CRLF3: variants seen among roughly 807,000 people sequenced by gnomAD.
CRLF3 encodes cytokine receptor-like factor 3.
CRLF3 carries 33 observed loss-of-function variants against 55.0 expected under a neutral mutation model. The observed-to-expected ratio is 0.60, with a 90% confidence interval of 0.46 to 0.80. The LOEUF (loss-of-function observed/expected upper bound fraction) is 0.80, where lower values mean the gene tolerates loss of function less well. Among genes scored for constraint, CRLF3 ranks in the 30% least tolerant of loss-of-function variants. The pLI is 0.00. For missense variants in CRLF3, 494 were observed against 538.4 expected (o/e 0.92, Z 0.82); for synonymous variants, 238 against 196.8 (o/e 1.21, Z -1.75).
intron 1 of CRLF3, among the ~76,000 whole-genome samples, chr17:30,821,937 G>T (rs1905008584): frequency 1.3e-5 from 2 of 151,554 alleles, no homozygotes; most frequent in Non-Finnish European, 2.9e-5. Flanking sequence ...AAAGTCACAT[G>T]CCAGGCAGCA....
intron 2 of CRLF3, among the ~76,000 whole-genome samples, chr17:30,801,900 T>G (rs779692799): frequency 2.6e-4 from 39 of 151,928 alleles, no homozygotes; most frequent in Non-Finnish European, 4.0e-4. Flanking sequence ...TATGATAATG[T>G]TACTTCTGCT....
intron 6 of CRLF3, among the ~76,000 whole-genome samples, chr17:30,789,080 A>T (rs1326457851): frequency 6.6e-6 from 1 of 152,142 alleles, no homozygotes; most frequent in African/African-American, 2.4e-5. Flanking sequence ...TGATGCCTGA[A>T]ATTCCTTTAA....
At chr17:30,797,199 T>C (rs1971931655) in intron 3 of CRLF3, 112 bp downstream of exon 3, 3 of 833,528 alleles carry the variant, frequency 3.6e-6, no homozygotes, top group South Asian at 1.5e-5. Context: ...TCTGAAAACC[T>C]TGAAATATAT....
At chr17:30,802,596 A>G (rs1408161340) in intron 2 of CRLF3, among the ~76,000 whole-genome samples, 1 of 149,548 alleles carries the variant, frequency 6.7e-6, no homozygotes, top group Admixed American at 6.7e-5. Flanking sequence ...ATGCCCAGCT[A>G]AGTTTTTTTT....
intron 4 of CRLF3, among the ~76,000 whole-genome samples, chr17:30,794,508 CACA>C (rs1191105241): frequency 3.3e-5 from 5 of 152,076 alleles, no homozygotes; most frequent in South Asian, 2.1e-4. Context: ...GATCTAAAAC[CACA>C]ACAAGGCCAG....
chr17:30,816,445 T>G (rs1904807869), intron 1 of CRLF3, among the ~76,000 whole-genome samples: 1 of 151,802 alleles, frequency 6.6e-6, no homozygotes, highest in Non-Finnish European at 1.5e-5. Flanking sequence ...CCCATAACAT[T>G]ATATTACTAT....
chr17:30,792,399 C>T (rs375333013), intron 6 of CRLF3, 41 bp downstream of exon 6: 3 of 1,580,356 alleles, frequency 1.9e-6, no homozygotes, highest in East Asian at 2.3e-5. Context: ...GCACTTCACT[C>T]TGCTTCCTGA....
intron 6 of CRLF3, among the ~76,000 whole-genome samples, chr17:30,787,013 G>C (rs576230344): frequency 3.9e-5 from 6 of 151,912 alleles, no homozygotes; most frequent in African/African-American, 1.4e-4. Context: ...TTTTGTATTT[G>C]TAGTAGAGAC....
chr17:30,816,488 C>CTTTTTTTTTTTTTTTTT (rs1183953028), intron 1 of CRLF3, among the ~76,000 whole-genome samples: 1 of 117,500 alleles, frequency 8.5e-6, no homozygotes, highest in Non-Finnish European at 1.8e-5. Context: ...TTCTTTCTTT[C>CTTTTTTTTTTTTTTTTT]TTTTTTTTTT....
intron 1 of CRLF3, among the ~76,000 whole-genome samples, chr17:30,811,064 GGGTGACAAAGT>G (rs1332704841): frequency 6.6e-6 from 1 of 152,166 alleles, no homozygotes; most frequent in Non-Finnish European, 1.5e-5. Context: ...CCTCCAGCCT[GGGTGACAAAGT>G]GAGACCCTGC....
intron 6 of CRLF3, among the ~76,000 whole-genome samples, chr17:30,789,773 C>T (rs993788426): frequency 1.3e-5 from 2 of 152,138 alleles, no homozygotes; most frequent in Admixed American, 6.5e-5. Context: ...TAAATATTAA[C>T]TGCAATTATT....
chr17:30,799,613 T>C (rs1050306754), intron 2 of CRLF3, among the ~76,000 whole-genome samples: 1 of 151,552 alleles, frequency 6.6e-6, no homozygotes, highest in Non-Finnish European at 1.5e-5. Context: ...CACTGCAACC[T>C]CTTGCCTCAG....
At chr17:30,801,822 C>T (rs1972011370) in intron 2 of CRLF3, among the ~76,000 whole-genome samples, 1 of 151,766 alleles carries the variant, frequency 6.6e-6, no homozygotes, top group South Asian at 2.1e-4. Flanking sequence ...TTTAAATGCA[C>T]ATCTGATCCT....
intron 4 of CRLF3, among the ~76,000 whole-genome samples, chr17:30,795,664 G>A (rs749465582): frequency 4.0e-5 from 6 of 149,778 alleles, no homozygotes; most frequent in African/African-American, 7.4e-5. Context: ...GGCCAGGCAC[G>A]GCGGCTCACA....
At chr17:30,795,943 C>T (rs935737466) in intron 4 of CRLF3, among the ~76,000 whole-genome samples, 1 of 151,854 alleles carries the variant, frequency 6.6e-6, no homozygotes, top group Non-Finnish European at 1.5e-5. Flanking sequence ...GGTGAAAGAG[C>T]AAAACTCTGT....
At chr17:30,790,077 T>C (rs1434672487) in intron 6 of CRLF3, among the ~76,000 whole-genome samples, 2 of 152,172 alleles carry the variant, frequency 1.3e-5, no homozygotes, top group African/African-American at 2.4e-5. Flanking sequence ...TGTCAAAAAT[T>C]AGACAAAACA....
chr17:30,811,660 T>A (rs1478954543), intron 1 of CRLF3, among the ~76,000 whole-genome samples: 4 of 143,888 alleles, frequency 2.8e-5, no homozygotes, highest in Non-Finnish European at 6.0e-5. Flanking sequence ...AAAAATTAGC[T>A]GGTCATGGTG....
In CRLF3 at chr17:30,797,340, G is replaced by A; in HGVS notation, c.396C>T (p.Thr132=). ...CCAACTGAATGTGCGAGGCCTTTTTGGTAAAGCTCCACAGTTTCTCATTCT... is the reference window on the plus strand; with the variant it reads ...CCAACTGAATGTGCGAGGCCTTTTTAGTAAAGCTCCACAGTTTCTCATTCT... ...GEENEKLWSF[T]KKASHIQLDS... The change falls in exon 3 of 8, where the codon ACC becomes ACT. Residue 132 remains threonine (T), a synonymous_variant. Coordinates refer to ENST00000324238, the MANE Select transcript of CRLF3 (RefSeq NM_015986.4). 6.2e-7 allele frequency: 1 copy of A among 1,613,832 alleles called. No individual in the cohort carries two copies. Among genetic ancestry groups the A allele is most frequent in the South Asian group, 1.1e-5 (1 of 91,064 alleles).
intron 6 of CRLF3, among the ~76,000 whole-genome samples, chr17:30,790,353 C>T (rs571923908): frequency 5.9e-5 from 9 of 152,000 alleles, no homozygotes; most frequent in African/African-American, 1.5e-4. Context: ...TTAGTTTCTA[C>T]GAAGAGCTAT....
Sources: gnomAD v4.1 joint callset for allele counts (sites outside exome capture counted in the v4.1 genomes callset) on GRCh38, gnomAD v4.1.1 for gene constraint, MANE v1.5 for transcripts, NCBI Gene and HGNC (gene_info 2026-07-23, HGNC 2026-07-21) for gene names.